BRCA1: variants seen among roughly 807,000 people sequenced by gnomAD.
BRCA1 encodes the protein BRCA1 DNA repair associated, also known as breast cancer type 1 susceptibility protein.
A neutral mutation model predicts 173.7 loss-of-function variants in BRCA1; 140 were observed. The observed-to-expected ratio is 0.81, with a 90% CI of 0.70 to 0.93. The LOEUF (loss-of-function observed/expected upper bound fraction) is 0.93, where lower values mean the gene tolerates loss of function less well. Among genes scored for constraint, BRCA1 ranks in the 40% least tolerant of loss-of-function variants. BRCA1 has a pLI of 0.00. For missense variants in BRCA1, 1,983 were observed against 2,172.5 expected (o/e 0.91, Z 1.73); for synonymous variants, 662 against 756.0 (o/e 0.88, Z 2.04).
chr17:43,045,450 T>C lies in BRCA1; in HGVS notation c.*228A>G, dbSNP rs56108540. 216 of 722,942 alleles carry C rather than the reference T, an allele frequency of 3.0e-4. No homozygotes were observed. In the African/African-American group the frequency reaches 3.3e-3, roughly 11 times the overall value. 44.8% of individuals were successfully genotyped at this position (722,942 alleles called of 1,614,324 possible). A position where few individuals can be genotyped will look rare whatever the true frequency, so the allele number is the denominator to read the frequency against. Reference sequence around the variant, plus strand: ...TTTAAAATCTTCTCAGGTGAAAAATTACCATAATTTTGTGCTCATGGCAGA... The same window carrying C: ...TTTAAAATCTTCTCAGGTGAAAAATCACCATAATTTTGTGCTCATGGCAGA... On this transcript the variant is annotated 3_prime_UTR_variant, in exon 23 of 23. Coordinates refer to ENST00000357654, the MANE Select transcript of BRCA1 (RefSeq NM_007294.4).
intron 11 of BRCA1, 118 bp from the exon 12 acceptor site, chr17:43,082,693 C>A: frequency 1.8e-6 from 2 of 1,087,068 alleles, no homozygotes; most frequent in South Asian, 2.7e-5. Context: ...TAGTATGGAA[C>A]TACAAGTTCT....
intron 12 of BRCA1, among the ~76,000 whole-genome samples, chr17:43,080,697 T>C (rs962428075): frequency 1.3e-5 from 2 of 151,888 alleles, no homozygotes; most frequent in African/African-American, 4.8e-5. Context: ...TAGTCCCAGC[T>C]ACTTGGGAGG....
intron 16 of BRCA1, among the ~76,000 whole-genome samples, chr17:43,066,728 G>A (rs917559407): frequency 6.6e-6 from 1 of 150,924 alleles, no homozygotes; most frequent in African/African-American, 2.4e-5. Flanking sequence ...GTTGTTTTAG[G>A]ACTTAGGCTC....
At chr17:43,071,934 G>C (rs1161392809) in intron 14 of BRCA1, among the ~76,000 whole-genome samples, 1 of 151,848 alleles carries the variant, frequency 6.6e-6, no homozygotes, top group East Asian at 1.9e-4. Flanking sequence ...CGTGTACCCG[G>C]GAGGCAGAGC....
At chr17:43,068,995 T>A (rs1455636406) in intron 15 of BRCA1, among the ~76,000 whole-genome samples, 1 of 152,212 alleles carries the variant, frequency 6.6e-6, no homozygotes, top group Non-Finnish European at 1.5e-5. Flanking sequence ...AATAACTTTG[T>A]TTACCAAGGG....
intron 4 of BRCA1, among the ~76,000 whole-genome samples, chr17:43,105,594 C>T (rs937589614): frequency 1.3e-5 from 2 of 152,088 alleles, no homozygotes; most frequent in African/African-American, 4.8e-5. Context: ...TTAGTTCTGC[C>T]TCTCAAGGAT....
intron 1 of BRCA1, among the ~76,000 whole-genome samples, chr17:43,146,491 G>T (rs1442487218): frequency 6.6e-6 from 1 of 151,556 alleles, no homozygotes; most frequent in Non-Finnish European, 1.5e-5. Context: ...CGTATTTTTA[G>T]TAGAGACGGG....
rs876659941 is a variant in BRCA1, at chr17:43,045,696, G to C, written c.5574C>G (p.Ile1858Met). The change falls in exon 23 of 23, where the codon ATC becomes ATG. Residue 1858 changes from isoleucine (I) to methionine (M), a missense_variant. Physicochemically the swap from Ile to Met is conservative, Grantham distance 10. Coordinates refer to ENST00000357654, the MANE Select transcript of BRCA1 (RefSeq NM_007294.4). ...QELDTYLIPQ[I>M]PHSHY ...GCTGCAGTCAGTAGTGGCTGTGGGG[G>C]ATCTGGGGTATCAGGTAGGTGTCCA... 1.2e-6 allele frequency: 2 copies of C among 1,613,710 alleles called. No individual in the cohort carries two copies. Among genetic ancestry groups the C allele is most frequent in the Middle Eastern group, 1.6e-4 (1 of 6,062 alleles).
rs948867484 is a variant in BRCA1, at chr17:43,149,525, G to A, written c.-20+20601C>T. On this transcript the variant is annotated intron_variant, in intron 1 of 7. Coordinates refer to the BRCA1 transcript ENST00000634433. ...GCTAGGATTACAGGCATGAGCCACCGCACCCAGCCTCAGACTAAACTATAA... is the reference window on the plus strand; with the variant it reads ...GCTAGGATTACAGGCATGAGCCACCACACCCAGCCTCAGACTAAACTATAA... 3.3e-5 allele frequency among the ~76,000 whole-genome samples: 5 copies of A among 151,688 alleles called. No homozygotes were observed. The East Asian group carries it at 7.8e-4, about 24-fold the overall frequency.
intron 6 of BRCA1, among the ~76,000 whole-genome samples, chr17:43,103,214 C>T (rs1002377658): frequency 7.2e-5 from 11 of 152,102 alleles, no homozygotes; most frequent in Non-Finnish European, 1.6e-4. Context: ...CGCCTGTAAT[C>T]CCAGCACTCT....
At position 43,052,373 on chromosome 17, in the gene BRCA1, T is replaced by C. The variant is rs4793192; in HGVS notation, c.5278-1256A>G. 0.31 allele frequency among the ~76,000 whole-genome samples: 47,169 copies of C among 151,944 alleles called. 7,700 individuals are homozygous for C. Among genetic ancestry groups the C allele is most frequent in the South Asian group, 0.49 (2,368 of 4,800 alleles). On this transcript the variant is annotated intron_variant, in intron 19 of 22. Coordinates refer to ENST00000357654, the MANE Select transcript of BRCA1 (RefSeq NM_007294.4). ...ATAGCTTGCTGCAGTATTGAACTTC[T>C]GGGCTCAAGCAATCCTCTTGCCTCA...
rs977020410 is a variant in BRCA1, at chr17:43,099,986, G to C, written c.442-106C>G. On this transcript the variant is annotated intron_variant, in intron 6 of 22. Coordinates refer to ENST00000357654, the MANE Select transcript of BRCA1 (RefSeq NM_007294.4). ...GGACAAAATAAATTGACCATCATCAGTCAGCTAACATGTATGATGCCTGGA... is the reference window on the plus strand; with the variant it reads ...GGACAAAATAAATTGACCATCATCACTCAGCTAACATGTATGATGCCTGGA... 1.1e-5 allele frequency: 10 copies of C among 895,278 alleles called. No individual in the cohort carries two copies. The South Asian group carries it at 1.3e-4, about 12-fold the overall frequency. The allele number at this position is 895,278 out of a possible 1,614,324, so 55.5% of individuals were successfully genotyped here.
At chr17:43,128,268 G>A (rs545214090), upstream of BRCA1, among the ~76,000 whole-genome samples, 2 of 151,478 alleles carry the variant, frequency 1.3e-5, no homozygotes, top group East Asian at 1.9e-4. Context: ...AACTCCAGAC[G>A]GGAGGAACGA....
At chr17:43,144,883 A>C in intron 1 of BRCA1, 1 of 530,968 alleles carries the variant, frequency 1.9e-6, no homozygotes, top group Non-Finnish European at 3.7e-6. Flanking sequence ...GCGGCCAGGC[A>C]GCCCAGCTTC....
chr17:43,057,873 A>T (rs566284161), intron 18 of BRCA1, among the ~76,000 whole-genome samples: 2 of 151,176 alleles, frequency 1.3e-5, no homozygotes, highest in South Asian at 4.2e-4. Context: ...ACCAAAAATT[A>T]GCTGGGCGTG....
chr17:43,086,221 C>A (rs1000082967), intron 11 of BRCA1, among the ~76,000 whole-genome samples: 12 of 151,766 alleles, frequency 7.9e-5, no homozygotes, highest in Non-Finnish European at 1.2e-4. Context: ...ATTGCTAATG[C>A]ATTAGTATAC....
intron 19 of BRCA1, among the ~76,000 whole-genome samples, chr17:43,051,908 T>C (rs1184344788): frequency 6.6e-6 from 1 of 152,220 alleles, no homozygotes; most frequent in African/African-American, 2.4e-5. Context: ...GTGCTGGGAT[T>C]ACAGGCATAA....
At chr17:43,100,877 G>A (rs1208393158) in intron 6 of BRCA1, among the ~76,000 whole-genome samples, 3 of 148,956 alleles carry the variant, frequency 2.0e-5, no homozygotes, top group African/African-American at 7.4e-5. Flanking sequence ...GACTACAGGC[G>A]TACACCACCA....
At chr17:43,103,098 T>C (rs1459346848) in intron 6 of BRCA1, among the ~76,000 whole-genome samples, 2 of 152,254 alleles carry the variant, frequency 1.3e-5, no homozygotes, top group South Asian at 2.1e-4. Flanking sequence ...CTTAAAAATA[T>C]CAGTGACCTT....
Sources: allele counts gnomAD v4.1 joint callset (sites outside exome capture counted in the v4.1 genomes callset), GRCh38; gene constraint gnomAD v4.1.1; transcripts MANE v1.5; gene names NCBI Gene and HGNC (gene_info 2026-07-23, HGNC 2026-07-21).